ZNF177: variants seen among roughly 807,000 people sequenced by gnomAD.
ZNF177 encodes the protein zinc finger protein 177.
ZNF177 carries 17 observed loss-of-function variants against 19.4 expected under a neutral mutation model. The ratio of observed to expected loss-of-function variants is 0.87; its 90% CI spans 0.60 to 1.31. ZNF177 has a LOEUF of 1.31. Among genes scored for constraint, ZNF177 ranks in the 40% most tolerant of loss-of-function variants. The pLI is 0.00. For missense variants in ZNF177, 633 were observed against 561.8 expected, an observed-to-expected ratio of 1.13 and a Z score of -1.28; for synonymous variants, 220 against 188.7, an observed-to-expected ratio of 1.17 and a Z score of -1.36.
rs753432284 is a variant in ZNF177, at chr19:9,381,447, CTG to C, written c.1119_1120del (p.Cys373TrpfsTer11). The C allele has an allele frequency of 1.2e-6, 2 of 1,611,422 alleles. No individual in the cohort carries two copies. The highest frequency in any genetic ancestry group is 1.1e-5 in the South Asian group (1 of 90,968). The stretch of plus-strand genomic sequence containing the variant: ...GAGAGAAACCCTATGAATGCAGTGA[CTG>C]TGGAAAAGCCTTCATCGATCAGTCA... On this transcript the variant is annotated frameshift_variant, in exon 6 of 6. Transcript: ENST00000589262. LOFTEE classifies it low-confidence loss of function (END_TRUNC).
At chr19:9,379,561 G>A (rs776603032) in exon 4 of ZNF177, 12 of 1,613,956 alleles carry the variant, frequency 7.4e-6, no homozygotes, top group Non-Finnish European at 1.0e-5. Flanking sequence ...TGATCTCCAA[G>A]GTGGATCAAG....
chr19:9,378,459 A>T lies in ZNF177; in HGVS notation c.33+115A>T. 4.0e-6 allele frequency: 6 copies of T among 1,490,626 alleles called. No individual in the cohort carries two copies. In the South Asian group the frequency reaches 7.7e-5, roughly 19 times the overall value. 92.3% of individuals were successfully genotyped at this position (1,490,626 alleles called of 1,614,324 possible). A position where few individuals can be genotyped will look rare whatever the true frequency, so the allele number is the denominator to read the frequency against. ...AATCTGAGCTGGCTTCATCTTCCGC[A>T]GCTCCCAGGCTGCTTCATGTGGAAG... On this transcript the variant is annotated intron_variant, in intron 2 of 5. Transcript: ENST00000589262.
At chr19:9,379,442 G>A in intron 3 of ZNF177, 85 bp from the exon 6 acceptor site, 1 of 1,495,146 alleles carries the variant, frequency 6.7e-7, no homozygotes. Flanking sequence ...TAATCCTTTA[G>A]TTAAAGCCAA....
intron 2 of ZNF177, among the ~76,000 whole-genome samples, chr19:9,370,568 C>T (rs2068034912): frequency 6.6e-6 from 1 of 152,062 alleles, no homozygotes; most frequent in Admixed American, 6.6e-5. Flanking sequence ...CATGCGCCAC[C>T]ACGCCTGGAT....
chr19:9,368,036 T>C (rs1250143737), intron 2 of ZNF177, among the ~76,000 whole-genome samples: 1 of 152,216 alleles, frequency 6.6e-6, no homozygotes, highest in Non-Finnish European at 1.5e-5. Context: ...CTGGAATTCT[T>C]TCTTCTTTGA....
intron 1 of ZNF177, among the ~76,000 whole-genome samples, chr19:9,377,067 C>T (rs2068119581): frequency 6.6e-6 from 1 of 152,160 alleles, no homozygotes; most frequent in Admixed American, 6.5e-5. Context: ...TACAGTCATG[C>T]ACTGTGTAAA....
upstream of ZNF177, among the ~76,000 whole-genome samples, chr19:9,372,471 T>C (rs2068058042): frequency 6.6e-6 from 1 of 151,874 alleles, no homozygotes; most frequent in South Asian, 2.1e-4. Flanking sequence ...TCAATGATTG[T>C]CACCATTTTG....
At chr19:9,379,655 A>G in intron 4 of ZNF177, 36 bp downstream of exon 6, 1 of 1,604,190 alleles carries the variant, frequency 6.2e-7, no homozygotes, top group Non-Finnish European at 8.5e-7. Context: ...AGCCTTGGCC[A>G]GTGAGGGTTA....
chr19:9,375,710 T>C (rs149290993), upstream of ZNF177, among the ~76,000 whole-genome samples: 277 of 152,316 alleles, frequency 1.8e-3, 2 homozygotes, highest in Middle Eastern at 0.014. Context: ...CAGTCTTGTC[T>C]ATTTTAATCT....
chr19:9,381,919 T>C, exon 6 of ZNF177: 4 of 1,240,086 alleles, frequency 3.2e-6, no homozygotes, highest in Non-Finnish European at 4.4e-6. Context: ...ACAAACCTTA[T>C]AAATGTTATA....
At chr19:9,382,100 CTGATGTACTG>C (rs2068212183) in exon 6 of ZNF177, 1 of 389,760 alleles carries the variant, frequency 2.6e-6, no homozygotes, top group Non-Finnish European at 4.6e-6. Flanking sequence ...TGGACACTGA[CTGATGTACTG>C]TGGCAGACAG....
At chr19:9,378,622 TC>T in intron 2 of ZNF177, 1 of 583,598 alleles carries the variant, frequency 1.7e-6, no homozygotes, top group Non-Finnish European at 2.9e-6. Context: ...ATTTATCATT[TC>T]TCAAGTATTT....
chr19:9,366,146 C>G (rs1385553769), intron 2 of ZNF177, among the ~76,000 whole-genome samples: 2 of 152,172 alleles, frequency 1.3e-5, no homozygotes, highest in African/African-American at 4.8e-5. Flanking sequence ...CCACACCCGG[C>G]TAATTTTTGT....
upstream of ZNF177, chr19:9,371,487 G>C (rs2068046831): frequency 6.6e-6 from 1 of 152,116 alleles, no homozygotes; most frequent in Non-Finnish European, 1.5e-5. Flanking sequence ...TAGATAGTTT[G>C]TCTAGCGTTT....
At chr19:9,381,126 C>G (rs2068193007) in exon 6 of ZNF177, 2 of 1,614,004 alleles carry the variant, frequency 1.2e-6, no homozygotes, top group Non-Finnish European at 1.7e-6. Context: ...AGAAAACTTT[C>G]ACTGACCCTT....
rs1568385328 is a variant in ZNF177 at position 9,381,018 on chromosome 19, GA to G, written c.690del (p.Gly231ValfsTer73). 1.3e-6 allele frequency: 2 copies of G among 1,589,078 alleles called. No individual in the cohort carries two copies. Among genetic ancestry groups the G allele is most frequent in the Admixed American group, 1.7e-5 (1 of 58,348 alleles). ...TACGTGAGCAAATACCTACTGGAGA[GA>G]AAGGTGATGAATGCAGTGACTATGG... On this transcript the variant is annotated frameshift_variant, in exon 6 of 6. Coordinates refer to ENST00000589262, the Ensembl canonical transcript of ZNF177. LOFTEE classifies it low-confidence loss of function (END_TRUNC).
At position 9,381,166 on chromosome 19, in the gene ZNF177, T is replaced by C. The variant is rs772690798; in HGVS notation, c.835T>C (p.Ser279Pro). ...CCTTCAGAACTGTGTCAGAACTCACTCTGGAGAGATGCCCTATGAATGCAG... is the reference window on the plus strand; with the variant it reads ...CCTTCAGAACTGTGTCAGAACTCACCCTGGAGAGATGCCCTATGAATGCAG... Residue 279 changes from serine (S) to proline (P), a missense_variant, in exon 6 of 6, where the codon TCT becomes CCT. Coordinates refer to ENST00000589262, the Ensembl canonical transcript of ZNF177. The C allele has an allele frequency of 1.9e-6, 3 of 1,614,162 alleles. No individual in the cohort carries two copies. The Admixed American group carries it at 5.0e-5, about 27-fold the overall frequency.
intron 3 of ZNF177, 60 bp downstream of exon 5, chr19:9,379,148 A>G (rs912081091): frequency 6.6e-7 from 1 of 1,525,962 alleles, no homozygotes; most frequent in Non-Finnish European, 8.8e-7. Flanking sequence ...AGCACATATT[A>G]TGTTCCAGAA....
intron 2 of ZNF177, chr19:9,378,570 C>T (rs376089657): frequency 1.9e-5 from 13 of 694,722 alleles, no homozygotes; most frequent in Admixed American, 1.2e-4. Flanking sequence ...GAATTCCATA[C>T]TGTAGTGAGT....
Sources: gnomAD v4.1 joint callset for allele counts (sites outside exome capture counted in the v4.1 genomes callset) on GRCh38, gnomAD v4.1.1 for gene constraint, MANE v1.5 for transcripts, NCBI Gene and HGNC (gene_info 2026-07-23, HGNC 2026-07-21) for gene names.